Variants in ZNF738 observed in about 807,000 individuals in gnomAD.
ZNF738 encodes the protein protein ZNF738.
ZNF738 carries 10 observed loss-of-function variants against 9.2 expected under a neutral mutation model. That is an observed-to-expected ratio of 1.09 (90% CI 0.67 to 1.85). The LOEUF (loss-of-function observed/expected upper bound fraction) is 1.85, where lower values mean the gene tolerates loss of function less well. Ranked by LOEUF, ZNF738 falls within the 40% of genes most tolerant of loss-of-function variation. The pLI, the probability that ZNF738 is intolerant of heterozygous loss-of-function variation, is 0.00. For synonymous variants in ZNF738, 113 were observed against 94.5 expected, an observed-to-expected ratio of 1.20 and a Z score of -1.14; for missense variants, 346 against 283.6, an observed-to-expected ratio of 1.22 and a Z score of -1.58.
rs1367224728 is a variant in ZNF738 at position 21,375,981 on chromosome 19, A to G, written c.319+17A>G. The G allele has an allele frequency of 6.8e-6, 5 of 730,884 alleles. No homozygotes were observed. The African/African-American group carries it at 7.2e-5, about 10-fold the overall frequency. The allele number at this position is 730,884 out of a possible 1,614,324, so 45.3% of individuals were successfully genotyped here. A position where few individuals can be genotyped will look rare whatever the true frequency, so the allele number is the denominator to read the frequency against. ...CACCCCCAGGTAGGTGAGAGTGAAT[A>G]AAACAGTTGACATAGATGAAAGGTT... On this transcript the variant is annotated intron_variant, in intron 4 of 4. Coordinates refer to ENST00000683779, the MANE Select transcript of ZNF738 (RefSeq NM_001355237.2).
chr19:21,379,573 T>A (rs1973981088), intron 4 of ZNF738, among the ~76,000 whole-genome samples: 1 of 152,206 alleles, frequency 6.6e-6, no homozygotes, highest in South Asian at 2.1e-4. Context: ...ACACAAACTG[T>A]CATTCCAAAT....
In ZNF738 at chr19:21,384,510, G is replaced by T. The variant is rs548869767; in HGVS notation, c.*836G>T. Among the ~76,000 whole-genome samples the T allele has an allele frequency of 9.2e-5, 14 of 152,206 alleles. No homozygotes were observed. The highest frequency in any genetic ancestry group is 3.1e-4 in the African/African-American group (13 of 41,534). ...TGGAGAGAGACCCTACAAACATGAAGAAAGTGGCAAAGCTTTTAACTGTTC... is the reference window on the plus strand; with the variant it reads ...TGGAGAGAGACCCTACAAACATGAATAAAGTGGCAAAGCTTTTAACTGTTC... On this transcript the variant is annotated 3_prime_UTR_variant, in exon 5 of 5. Transcript: ENST00000683779.
chr19:21,359,417 T>C (rs1973652644), intron 1 of ZNF738, among the ~76,000 whole-genome samples: 1 of 152,230 alleles, frequency 6.6e-6, no homozygotes, highest in Non-Finnish European at 1.5e-5. Context: ...GCGCCGCTTC[T>C]CTACCGGATT....
chr19:21,368,056 C>T (rs1214165687), intron 2 of ZNF738, among the ~76,000 whole-genome samples: 1 of 152,214 alleles, frequency 6.6e-6, no homozygotes, highest in South Asian at 2.1e-4. Flanking sequence ...ACAAACAGTT[C>T]TTTCCAGTTA....
At chr19:21,365,114 C>G (rs533101509) in intron 2 of ZNF738, among the ~76,000 whole-genome samples, 1 of 152,006 alleles carries the variant, frequency 6.6e-6, no homozygotes, top group South Asian at 2.1e-4. Flanking sequence ...CCATTGTAGA[C>G]CATATAGGGT....
chr19:21,369,959 A>C (rs1973836183), intron 2 of ZNF738, among the ~76,000 whole-genome samples: 1 of 152,002 alleles, frequency 6.6e-6, no homozygotes, highest in Admixed American at 6.6e-5. Context: ...GATTACAAGC[A>C]CACACCACCA....
chr19:21,380,320 A>G (rs1414013899), intron 4 of ZNF738, among the ~76,000 whole-genome samples: 1 of 152,236 alleles, frequency 6.6e-6, no homozygotes, highest in Non-Finnish European at 1.5e-5. Context: ...CAAAATGGTG[A>G]CCAAATAAAG....
At chr19:21,377,497 C>G (rs1475688598) in intron 4 of ZNF738, 1 of 684,598 alleles carries the variant, frequency 1.5e-6, no homozygotes, top group Non-Finnish European at 2.7e-6. Flanking sequence ...GACATACACA[C>G]AGACACACAG....
chr19:21,383,693 G>C lies in ZNF738; in HGVS notation c.*19G>C. On this transcript the variant is annotated 3_prime_UTR_variant, in exon 5 of 5. Coordinates refer to ENST00000683779, the MANE Select transcript of ZNF738 (RefSeq NM_001355237.2). ...TGAATAATGTGGCAAAGCCTTTAAT[G>C]TATTCGCAACCCTTACTAGACATAA... The C allele has an allele frequency of 2.1e-6, 2 of 943,552 alleles. No individual in the cohort carries two copies. The highest frequency in any genetic ancestry group is 1.8e-5 in the Admixed American group (1 of 55,348). The allele number at this position is 943,552 out of a possible 1,614,324, so 58.4% of individuals were successfully genotyped here.
chr19:21,366,898 G>A (rs1177386963), intron 2 of ZNF738, among the ~76,000 whole-genome samples: 1 of 152,066 alleles, frequency 6.6e-6, no homozygotes, highest in African/African-American at 2.4e-5. Context: ...TATTTTATCA[G>A]CCAGATCTTT....
chr19:21,359,453 A>G (rs1002348152), intron 1 of ZNF738, among the ~76,000 whole-genome samples: 11 of 152,216 alleles, frequency 7.2e-5, no homozygotes, highest in Non-Finnish European at 1.3e-4. Flanking sequence ...GAGGGTCGTC[A>G]GGGGAGAATC....
intron 4 of ZNF738, chr19:21,381,815 T>C: frequency 3.4e-6 from 1 of 292,138 alleles, no homozygotes; most frequent in Non-Finnish European, 6.9e-6. Flanking sequence ...AAGAAGTTGT[T>C]TTACTTTGGT....
At chr19:21,359,199 G>C in intron 1 of ZNF738, 56 bp downstream of exon 1, 1 of 1,037,618 alleles carries the variant, frequency 9.6e-7, no homozygotes, top group East Asian at 2.4e-5. Flanking sequence ...TGGAACCGGT[G>C]GGAAGTGGCT....
In ZNF738 at chr19:21,384,143, T is replaced by A. The variant is rs908833269; in HGVS notation, c.*469T>A. On this transcript the variant is annotated 3_prime_UTR_variant, in exon 5 of 5. Coordinates refer to ENST00000683779, the MANE Select transcript of ZNF738 (RefSeq NM_001355237.2). ...CTTATCTTACTACACATAAGATGAT[T>A]CATACTGTAGAGAAACGCTACAAAT... The A allele has an allele frequency of 4.7e-6, 7 of 1,474,764 alleles. No individual in the cohort carries two copies. In the African/African-American group the frequency reaches 9.7e-5, roughly 20 times the overall value. The allele number at this position is 1,474,764 out of a possible 1,614,324, so 91.4% of individuals were successfully genotyped here.
intron 4 of ZNF738, chr19:21,378,275 G>A (rs2145237900): frequency 3.3e-6 from 1 of 300,728 alleles, no homozygotes; most frequent in South Asian, 1.6e-4. Flanking sequence ...GCTAAGAAAT[G>A]TATTTTTGTG....
Position 21,386,285 on chromosome 19 carries a change from TTAAC to T in ZNF738, c.*2615_*2618del, listed in dbSNP as rs1974066072. 1 of 284,000 alleles carries T rather than the reference TTAAC, an allele frequency of 3.5e-6. No homozygotes were observed. The highest frequency in any genetic ancestry group is 2.2e-5 in the African/African-American group (1 of 44,800). 17.6% of individuals were successfully genotyped at this position (284,000 alleles called of 1,614,324 possible). Reference sequence around the variant, plus strand: ...AAATGTGAAAAATGTAGCAAACCTTTTAACTAATCCTCAACCCTTACTACACATA... The same window carrying T: ...AAATGTGAAAAATGTAGCAAACCTTTTAATCCTCAACCCTTACTACACATA... On this transcript the variant is annotated 3_prime_UTR_variant, in exon 5 of 5. Transcript: ENST00000683779.
At chr19:21,362,902 G>A (rs768445485) in intron 2 of ZNF738, among the ~76,000 whole-genome samples, 13 of 152,078 alleles carry the variant, frequency 8.5e-5, no homozygotes, top group Non-Finnish European at 1.8e-4. Context: ...AAATGAATAC[G>A]TTTCCACAAG....
At position 21,383,680 on chromosome 19, in the gene ZNF738, C is replaced by A. The variant is rs1256360095; in HGVS notation, c.*6C>A. ...AACCCTACAAATGTGAATAATGTGG[C>A]AAAGCCTTTAATGTATTCGCAACCC... is the stretch of plus-strand genomic sequence containing the variant. On this transcript the variant is annotated 3_prime_UTR_variant, in exon 5 of 5. Coordinates refer to ENST00000683779, the MANE Select transcript of ZNF738 (RefSeq NM_001355237.2). 2.0e-6 allele frequency: 2 copies of A among 985,230 alleles called. No individual in the cohort carries two copies. Among genetic ancestry groups the A allele is most frequent in the African/African-American group, 1.6e-5 (1 of 63,166 alleles). The allele number at this position is 985,230 out of a possible 1,614,324, so 61.0% of individuals were successfully genotyped here.
At chr19:21,368,792 A>T (rs963732550) in intron 2 of ZNF738, among the ~76,000 whole-genome samples, 1 of 151,304 alleles carries the variant, frequency 6.6e-6, no homozygotes, top group African/African-American at 2.4e-5. Context: ...GCTGGAGTAC[A>T]ATGGTGTGAT....
Sources: gnomAD v4.1 joint callset for allele counts (sites outside exome capture counted in the v4.1 genomes callset) on GRCh38, gnomAD v4.1.1 for gene constraint, MANE v1.5 for transcripts, NCBI Gene and HGNC (gene_info 2026-07-23, HGNC 2026-07-21) for gene names.